FHOD3: variants seen among roughly 807,000 people sequenced by gnomAD.
FHOD3 encodes FH1/FH2 domain-containing protein 3.
Under a neutral mutation model 173.0 loss-of-function variants are expected in FHOD3, and 90 were observed. The ratio of observed to expected loss-of-function variants is 0.52; its 90% CI spans 0.44 to 0.62. The LOEUF (loss-of-function observed/expected upper bound fraction) is 0.62. Ranked by LOEUF, FHOD3 falls within the 20% of genes least tolerant of loss-of-function variation. The probability of loss-of-function intolerance (pLI) is 0.00; values close to 1 mark genes in which losing one functional copy is unlikely to be tolerated. For missense variants in FHOD3, 1,945 were observed against 2,034.7 expected (o/e 0.96, Z 0.85); for synonymous variants, 828 against 823.0 (o/e 1.01, Z -0.10).
At chr18:36,727,653 G>A (rs947470907) in intron 19 of FHOD3, among the ~76,000 whole-genome samples, 1 of 152,168 alleles carries the variant, frequency 6.6e-6, no homozygotes, top group East Asian at 1.9e-4. Flanking sequence ...TTAGAGGGGT[G>A]TGTGCAGGCA....
intron 17 of FHOD3, among the ~76,000 whole-genome samples, chr18:36,707,243 G>A (rs2039932535): frequency 6.6e-6 from 1 of 152,124 alleles, no homozygotes; most frequent in African/African-American, 2.4e-5. Flanking sequence ...CCCCTCTTGG[G>A]ATGCCCAGGA....
chr18:36,326,062 A>C (rs2044656034), intron 1 of FHOD3, among the ~76,000 whole-genome samples: 1 of 152,352 alleles, frequency 6.6e-6, no homozygotes, highest in East Asian at 1.9e-4. Flanking sequence ...GGGATCACTC[A>C]GCAGTCAAGC....
chr18:36,775,944 C>T (rs1326483244), intron 28 of FHOD3, among the ~76,000 whole-genome samples: 1 of 152,160 alleles, frequency 6.6e-6, no homozygotes, highest in East Asian at 1.9e-4. Context: ...GGGAGGCCGT[C>T]CCGTGGGAAA....
At chr18:36,454,422 C>A (rs947046236) in intron 3 of FHOD3, among the ~76,000 whole-genome samples, 2 of 152,140 alleles carry the variant, frequency 1.3e-5, no homozygotes, top group Admixed American at 6.5e-5. Context: ...CCTTCCCTTA[C>A]CCTCTCAATA....
chr18:36,740,552 CT>C, intron 20 of FHOD3, 103 bp from the exon 21 acceptor site: 1 of 1,185,346 alleles, frequency 8.4e-7, no homozygotes, highest in Non-Finnish European at 1.2e-6. Context: ...GTACATACCT[CT>C]ACTACCTGGT....
At chr18:36,674,210 G>GT (rs1490423799) in intron 14 of FHOD3, among the ~76,000 whole-genome samples, 1 of 152,162 alleles carries the variant, frequency 6.6e-6, no homozygotes, top group Non-Finnish European at 1.5e-5. Context: ...TGGCTTTCAA[G>GT]TTCACCTGAC....
At chr18:36,445,076 T>C (rs2051390107) in intron 3 of FHOD3, among the ~76,000 whole-genome samples, 1 of 152,204 alleles carries the variant, frequency 6.6e-6, no homozygotes, top group Non-Finnish European at 1.5e-5. Flanking sequence ...TCTATGTATG[T>C]CCAGGTAGAG....
intron 1 of FHOD3, among the ~76,000 whole-genome samples, chr18:36,337,179 A>G (rs1294575823): frequency 1.3e-5 from 2 of 152,098 alleles, no homozygotes; most frequent in Non-Finnish European, 2.9e-5. Flanking sequence ...CTCAAAAAAA[A>G]AAAAAAAAAA....
chr18:36,427,432 G>A (rs760123477), intron 3 of FHOD3, among the ~76,000 whole-genome samples: 2 of 151,976 alleles, frequency 1.3e-5, no homozygotes, highest in Non-Finnish European at 2.9e-5. Context: ...CCTGAATGCT[G>A]TGTGTTTTCA....
chr18:36,635,542 G>T (rs76682740), intron 10 of FHOD3, among the ~76,000 whole-genome samples: 1 of 152,144 alleles, frequency 6.6e-6, no homozygotes, highest in Non-Finnish European at 1.5e-5. Flanking sequence ...CAGGGGAAGA[G>T]AGAAGGGAAA....
At chr18:36,555,576 T>C (rs2057846171) in intron 5 of FHOD3, among the ~76,000 whole-genome samples, 3 of 152,138 alleles carry the variant, frequency 2.0e-5, no homozygotes, top group Admixed American at 1.3e-4. Context: ...CAGTCTTTTA[T>C]ATACTTATTT....
intron 23 of FHOD3, among the ~76,000 whole-genome samples, chr18:36,746,278 G>T (rs1482085024): frequency 6.6e-6 from 1 of 152,164 alleles, no homozygotes; most frequent in Non-Finnish European, 1.5e-5. Flanking sequence ...GAGCCTGGTG[G>T]GGTCTGTGTG....
At chr18:36,427,974 T>A (rs1334373717) in intron 3 of FHOD3, among the ~76,000 whole-genome samples, 1 of 152,248 alleles carries the variant, frequency 6.6e-6, no homozygotes, top group Non-Finnish European at 1.5e-5. Context: ...ATGTTGTAGA[T>A]ATGTATCTTC....
At chr18:36,332,558 C>A (rs1023954629) in intron 1 of FHOD3, among the ~76,000 whole-genome samples, 1 of 152,206 alleles carries the variant, frequency 6.6e-6, no homozygotes, top group Admixed American at 6.5e-5. Flanking sequence ...GAGGATGCCC[C>A]CCTCTCTGCA....
chr18:36,488,283 G>C (rs2054290392), intron 3 of FHOD3, among the ~76,000 whole-genome samples: 1 of 152,200 alleles, frequency 6.6e-6, no homozygotes, highest in Non-Finnish European at 1.5e-5. Context: ...TCTCTCCAAG[G>C]AGTAGATACT....
At chr18:36,656,019 G>T (rs946950159) in intron 13 of FHOD3, among the ~76,000 whole-genome samples, 4 of 152,208 alleles carry the variant, frequency 2.6e-5, no homozygotes, top group Non-Finnish European at 5.9e-5. Context: ...GCTGGAGTAG[G>T]ATGACAAGCT....
chr18:36,396,522 C>A (rs12605701), intron 3 of FHOD3, among the ~76,000 whole-genome samples: 34,930 of 151,928 alleles, frequency 0.23, 4,506 homozygotes, highest in East Asian at 0.67. Flanking sequence ...CCTAGTTTAT[C>A]ATTTCTTTAA....
chr18:36,728,880 G>A (rs1316639317), intron 19 of FHOD3, among the ~76,000 whole-genome samples: 2 of 152,214 alleles, frequency 1.3e-5, no homozygotes, highest in African/African-American at 4.8e-5. Context: ...GTGGGAACCT[G>A]CCTGCACAGT....
rs1234712965 is a variant in FHOD3, at chr18:36,560,823, GCTGTTTTTTTTTTTTT to G, written c.512-15612_512-15597del. ...GCTTTGTGTGTGTGTGTAAAGAGCAGCTGTTTTTTTTTTTTTCTGTTTTTTTTTTTTGTTTCTTTGT... is the reference window on the plus strand; with the variant it reads ...GCTTTGTGTGTGTGTGTAAAGAGCAGCTGTTTTTTTTTTTTGTTTCTTTGT... On this transcript the variant is annotated intron_variant, in intron 5 of 28. Transcript: ENST00000590592. Among the ~76,000 whole-genome samples, 62 of 110,064 alleles carry G rather than the reference GCTGTTTTTTTTTTTTT, an allele frequency of 5.6e-4. 1 individual carries two copies. Among genetic ancestry groups the G allele is most frequent in the African/African-American group, 1.5e-3 (45 of 29,218 alleles). 72.2% of individuals were successfully genotyped at this position (110,064 alleles called of 152,430 possible).
Sources: gnomAD v4.1 joint callset for allele counts (sites outside exome capture counted in the v4.1 genomes callset) on GRCh38, gnomAD v4.1.1 for gene constraint, MANE v1.5 for transcripts, NCBI Gene and HGNC (gene_info 2026-07-23, HGNC 2026-07-21) for gene names.